Variants in PLD5 observed in about 807,000 individuals in gnomAD.
PLD5 encodes the protein inactive phospholipase D5.
A neutral mutation model predicts 61.1 loss-of-function variants in PLD5; 36 were observed. The ratio of observed to expected loss-of-function variants is 0.59; its 90% CI spans 0.45 to 0.78. PLD5 has a LOEUF of 0.78. Ranked by LOEUF, PLD5 falls within the 30% of genes least tolerant of loss-of-function variation. The pLI, the probability that PLD5 is intolerant of heterozygous loss-of-function variation, is 0.00. For missense variants in PLD5, 515 were observed against 644.4 expected, an observed-to-expected ratio of 0.80 and a Z score of 2.17; for synonymous variants, 243 against 242.8, an observed-to-expected ratio of 1.00 and a Z score of -0.01.
chr1:242,163,535 C>T (rs316848), intron 5 of PLD5, among the ~76,000 whole-genome samples: 1 of 152,098 alleles, frequency 6.6e-6, no homozygotes, highest in Non-Finnish European at 1.5e-5. Flanking sequence ...AAGAGAGGGA[C>T]GGAAGGAAAG....
At chr1:242,112,297 G>GTA (rs1463029815) in intron 7 of PLD5, among the ~76,000 whole-genome samples, 3 of 100,852 alleles carry the variant, frequency 3.0e-5, no homozygotes, top group Middle Eastern at 5.1e-3. Context: ...GTGTGTGTGT[G>GTA]TGTGTGTGTG....
chr1:242,291,353 AGGAT>A (rs1675350593), intron 2 of PLD5, among the ~76,000 whole-genome samples: 1 of 152,144 alleles, frequency 6.6e-6, no homozygotes. Context: ...GATGGATTAT[AGGAT>A]GTGTGAGGGC....
At chr1:242,332,513 G>A (rs186120307) in intron 2 of PLD5, among the ~76,000 whole-genome samples, 362 of 152,274 alleles carry the variant, frequency 2.4e-3, no homozygotes, top group East Asian at 9.3e-3. Context: ...GTGTAAAAGC[G>A]TTCCTATTTC....
intron 2 of PLD5, among the ~76,000 whole-genome samples, chr1:242,290,474 G>A (rs962390468): frequency 5.3e-5 from 8 of 152,058 alleles, no homozygotes; most frequent in African/African-American, 1.9e-4. Context: ...CATTTGTAGG[G>A]ACCACAGTGC....
At chr1:242,394,269 T>C (rs1387392258) in intron 1 of PLD5, among the ~76,000 whole-genome samples, 1 of 96,084 alleles carries the variant, frequency 1.0e-5, no homozygotes, top group East Asian at 2.7e-4. Flanking sequence ...TGAGTATGAG[T>C]ATATATATGT....
chr1:242,207,172 C>T (rs1184109227), intron 5 of PLD5, among the ~76,000 whole-genome samples: 1 of 152,172 alleles, frequency 6.6e-6, no homozygotes, highest in Non-Finnish European at 1.5e-5. Context: ...CCAACAACAT[C>T]TAGACTCATG....
At chr1:242,346,032 C>A (rs1349069703) in intron 2 of PLD5, among the ~76,000 whole-genome samples, 1 of 5,638 alleles carries the variant, frequency 1.8e-4, no homozygotes, top group African/African-American at 4.4e-4. Flanking sequence ...CCCATATATA[C>A]AACCATATAT....
intron 5 of PLD5, among the ~76,000 whole-genome samples, chr1:242,146,844 G>T (rs540795575): frequency 6.6e-6 from 1 of 152,070 alleles, no homozygotes; most frequent in Non-Finnish European, 1.5e-5. Flanking sequence ...TGGGAATCAC[G>T]GACTCACAGG....
At chr1:242,177,184 G>GA (rs1332089591) in intron 5 of PLD5, among the ~76,000 whole-genome samples, 4 of 152,206 alleles carry the variant, frequency 2.6e-5, no homozygotes, top group African/African-American at 9.7e-5. Flanking sequence ...GTGATTGATA[G>GA]ACTGGATAAA....
chr1:242,477,340 C>T (rs558607510), intron 1 of PLD5, among the ~76,000 whole-genome samples: 1 of 152,246 alleles, frequency 6.6e-6, no homozygotes, highest in South Asian at 2.1e-4. Context: ...GTTTTAAGAA[C>T]ACGATACTCC....
intron 1 of PLD5, among the ~76,000 whole-genome samples, chr1:242,368,962 G>A (rs568166764): frequency 4.4e-4 from 67 of 152,164 alleles, no homozygotes; most frequent in South Asian, 1.7e-3. Flanking sequence ...TGTCACCACC[G>A]TTTGCTCAAA....
intron 1 of PLD5, among the ~76,000 whole-genome samples, chr1:242,421,628 A>C (rs1454108308): frequency 6.6e-6 from 1 of 152,220 alleles, no homozygotes; most frequent in Non-Finnish European, 1.5e-5. Flanking sequence ...TATATCAACG[A>C]AAGTTGGGAG....
intron 2 of PLD5, among the ~76,000 whole-genome samples, chr1:242,292,104 A>G (rs1675402069): frequency 6.6e-6 from 1 of 152,178 alleles, no homozygotes; most frequent in African/African-American, 2.4e-5. Flanking sequence ...TTCGAAGGCA[A>G]TAGACAGAGG....
intron 2 of PLD5, among the ~76,000 whole-genome samples, chr1:242,297,664 G>T (rs12131700): frequency 0.055 from 7,659 of 138,922 alleles, 281 homozygotes; most frequent in Middle Eastern, 0.11. Context: ...ATGGAGTCTC[G>T]CTCTGTCGCC....
intron 2 of PLD5, among the ~76,000 whole-genome samples, chr1:242,340,835 A>T (rs1255651233): frequency 6.6e-6 from 1 of 152,190 alleles, no homozygotes; most frequent in African/African-American, 2.4e-5. Flanking sequence ...GGAGAGGAAG[A>T]GGGAAGGAGG....
At chr1:242,443,718 TAGG>T (rs1159014630) in intron 1 of PLD5, among the ~76,000 whole-genome samples, 1 of 152,194 alleles carries the variant, frequency 6.6e-6, no homozygotes, top group Non-Finnish European at 1.5e-5. Flanking sequence ...TCCACATTTA[TAGG>T]AGGGCATTTA....
At chr1:242,416,859 C>G (rs907321112) in intron 1 of PLD5, among the ~76,000 whole-genome samples, 2 of 152,196 alleles carry the variant, frequency 1.3e-5, no homozygotes, top group Non-Finnish European at 2.9e-5. Flanking sequence ...TGTGCCAACT[C>G]TGATGCCAAT....
intron 1 of PLD5, among the ~76,000 whole-genome samples, chr1:242,364,018 G>T (rs1427717848): frequency 6.6e-6 from 1 of 151,984 alleles, no homozygotes; most frequent in African/African-American, 2.4e-5. Context: ...AAAATATAAT[G>T]GCCAAAAGTA....
chr1:242,154,007 G>A (rs1293351705), intron 5 of PLD5, among the ~76,000 whole-genome samples: 1 of 152,064 alleles, frequency 6.6e-6, no homozygotes, highest in Non-Finnish European at 1.5e-5. Flanking sequence ...ATTTGTTTGT[G>A]TCCTCTCTTA....
Sources: allele counts gnomAD v4.1 joint callset (sites outside exome capture counted in the v4.1 genomes callset), GRCh38; gene constraint gnomAD v4.1.1; transcripts MANE v1.5; gene names NCBI Gene and HGNC (gene_info 2026-07-23, HGNC 2026-07-21).